The following ATF7IP variants were observed in gnomAD, a reference collection of about 807,000 sequenced individuals.
ATF7IP encodes the protein activating transcription factor 7 interacting protein, also known as activating transcription factor 7-interacting protein 1.
A neutral mutation model predicts 106.4 loss-of-function variants in ATF7IP; 23 were observed. That is an observed-to-expected ratio of 0.22 (90% CI 0.16 to 0.31). The LOEUF (loss-of-function observed/expected upper bound fraction) is 0.31. Ranked by LOEUF, ATF7IP falls within the 10% of genes least tolerant of loss-of-function variation. The pLI is 1.00. For missense variants in ATF7IP, 1,334 were observed against 1,524.3 expected (o/e 0.88, Z 2.08); for synonymous variants, 542 against 539.0 (o/e 1.01, Z -0.08).
intron 13 of ATF7IP, among the ~76,000 whole-genome samples, chr12:14,490,597 T>C (rs1049412020): frequency 6.6e-6 from 1 of 152,172 alleles, no homozygotes. Flanking sequence ...AGCTGTGTAC[T>C]TGCCGGTGGT....
intron 1 of ATF7IP, among the ~76,000 whole-genome samples, chr12:14,415,128 C>T (rs1565491259): frequency 6.6e-6 from 1 of 152,106 alleles, no homozygotes; most frequent in Non-Finnish European, 1.5e-5. Context: ...TGTAACTTCA[C>T]TCCTTATCTG....
rs528649230 is a variant in ATF7IP, at chr12:14,498,689, T to G, written c.*616T>G. 1 of 152,768 alleles carries G rather than the reference T, an allele frequency of 6.5e-6. No individual in the cohort carries two copies. The highest frequency in any genetic ancestry group is 2.1e-4 in the South Asian group (1 of 4,822). 9.5% of individuals were successfully genotyped at this position (152,768 alleles called of 1,614,324 possible). ...CCCCTCCCTTTCCTAATCTGGCTTT[T>G]ACATTTATTTTGTGCCTTAAAGATT... is the stretch of plus-strand genomic sequence containing the variant. On this transcript the variant is annotated 3_prime_UTR_variant, in exon 15 of 15. Coordinates refer to ENST00000261168, the MANE Select transcript of ATF7IP (RefSeq NM_018179.5).
At chr12:14,408,491 G>A (rs1239814933) in intron 1 of ATF7IP, 1 of 152,122 alleles carries the variant, frequency 6.6e-6, no homozygotes, top group East Asian at 1.9e-4. Context: ...TTGTATTTCA[G>A]TTTCTGTTGC....
At chr12:14,386,356 G>T (rs1939239150) in intron 1 of ATF7IP, among the ~76,000 whole-genome samples, 1 of 152,030 alleles carries the variant, frequency 6.6e-6, no homozygotes, top group Non-Finnish European at 1.5e-5. Flanking sequence ...AGCAGAAAAG[G>T]CATACTTTAA....
At chr12:14,394,992 T>G (rs2136445025) in intron 1 of ATF7IP, 1 of 152,278 alleles carries the variant, frequency 6.6e-6, no homozygotes, top group South Asian at 2.1e-4. Flanking sequence ...TGTCTGACGT[T>G]TTTTGGCTTT....
intron 13 of ATF7IP, among the ~76,000 whole-genome samples, chr12:14,484,518 C>G (rs867167059): frequency 1.3e-5 from 2 of 152,326 alleles, no homozygotes; most frequent in African/African-American, 4.8e-5. Flanking sequence ...GAAGTTCTGC[C>G]AACTGGGAAT....
chr12:14,456,306 C>G (rs1283237265), intron 6 of ATF7IP, among the ~76,000 whole-genome samples: 1 of 152,136 alleles, frequency 6.6e-6, no homozygotes, highest in Non-Finnish European at 1.5e-5. Context: ...CATAAGAACA[C>G]TGAGATGCAG....
Position 14,425,198 on chromosome 12 carries a change from A to T in ATF7IP, c.1283A>T (p.Asp428Val). 1 of 1,596,090 alleles carries T rather than the reference A, an allele frequency of 6.3e-7. No homozygotes were observed. The highest frequency in any genetic ancestry group is 1.8e-5 in the Admixed American group (1 of 54,866). Residue 428 changes from aspartate to valine, a missense_variant, in exon 2 of 15, where the codon GAC becomes GTC. This residue lies in a region of ATF7IP where 438 missense variants were observed against 405.3 expected (regional missense o/e 1.08). Coordinates refer to ENST00000261168, the MANE Select transcript of ATF7IP (RefSeq NM_018179.5). ...NKSENILENT[D>V]SMETDEIIPI... ...AGTGAGAATATCTTAGAAAATACAG[A>T]CTCTATGGAGACAGATGAAATCATT... is the stretch of plus-strand genomic sequence containing the variant.
rs184135043 is a variant in ATF7IP, at chr12:14,383,892, T to C, written c.-8+18065T>C. Among the ~76,000 whole-genome samples, 4 of 152,262 alleles carry C rather than the reference T, an allele frequency of 2.6e-5. No homozygotes were observed. The East Asian group carries it at 7.7e-4, about 29-fold the overall frequency. On this transcript the variant is annotated intron_variant, in intron 1 of 14. Coordinates refer to ENST00000261168, the MANE Select transcript of ATF7IP (RefSeq NM_018179.5). ...CTTGCTTTTAATGAATAGTCTTTGC[T>C]TGAGAATCACAGTTGTATTTTTAAA...
chr12:14,458,630 C>T (rs750120146), intron 8 of ATF7IP, among the ~76,000 whole-genome samples: 2 of 152,042 alleles, frequency 1.3e-5, no homozygotes, highest in African/African-American at 2.4e-5. Context: ...CCGGGCCTGC[C>T]GGGGCAACAT....
chr12:14,480,910 A>G (rs1944408218), intron 12 of ATF7IP, 93 bp from the exon 13 acceptor site: 3 of 1,121,712 alleles, frequency 2.7e-6, no homozygotes, highest in African/African-American at 1.6e-5. Flanking sequence ...TTATTAGTTA[A>G]TTAGATTTTA....
chr12:14,400,269 A>T (rs2136460370), intron 1 of ATF7IP, among the ~76,000 whole-genome samples: 1 of 152,248 alleles, frequency 6.6e-6, no homozygotes, highest in African/African-American at 2.4e-5. Context: ...ACATGTTTAG[A>T]TTTTTGTGTG....
intron 1 of ATF7IP, among the ~76,000 whole-genome samples, chr12:14,392,835 G>A (rs1207276878): frequency 6.6e-6 from 1 of 152,166 alleles, no homozygotes; most frequent in African/African-American, 2.4e-5. Context: ...GTAATTTTAT[G>A]TCAGTTGAGT....
intron 2 of ATF7IP, among the ~76,000 whole-genome samples, chr12:14,431,163 G>A (rs1393331049): frequency 6.6e-6 from 1 of 152,112 alleles, no homozygotes; most frequent in East Asian, 1.9e-4. Context: ...TCATCTGATA[G>A]TATTAAACAT....
chr12:14,401,126 G>C (rs1361371132), intron 1 of ATF7IP, among the ~76,000 whole-genome samples: 2 of 151,782 alleles, frequency 1.3e-5, no homozygotes, highest in African/African-American at 4.8e-5. Context: ...TTGCTATTAT[G>C]CTTAACTGCT....
At chr12:14,446,926 T>C in intron 5 of ATF7IP, 62 bp from the exon 6 acceptor site, 1 of 1,252,468 alleles carries the variant, frequency 8.0e-7, no homozygotes, top group Non-Finnish European at 1.1e-6. Context: ...TCATGGTTTT[T>C]TTTTTTAATG....
rs1212147841 is a variant in ATF7IP, at chr12:14,460,868, A to G, written c.2532A>G (p.Pro844=). The G allele has an allele frequency of 6.2e-7, 1 of 1,614,140 alleles. No individual in the cohort carries two copies. The highest frequency in any genetic ancestry group is 8.5e-7 in the Non-Finnish European group (1 of 1,180,022). ...SLPSLPNPTK[P]NNVPSVPSPS... The stretch of plus-strand genomic sequence containing the variant: ...CATCCTTGCCAAATCCCACTAAACC[A>G]AACAACGTTCCTTCTGTGCCCAGTC... Residue 844 remains proline, a synonymous_variant, in exon 9 of 15, where the codon CCA becomes CCG. Coordinates refer to ENST00000261168, the MANE Select transcript of ATF7IP (RefSeq NM_018179.5).
At position 14,424,338 on chromosome 12, in the gene ATF7IP, C is replaced by T. The variant is rs150180233; in HGVS notation, c.423C>T (p.Ala141=). ...SGDPAPGDLD[A]GDPASGVLAS... ...ATCCAGCCCCTGGTGATCTGGATGC[C>T]GGAGATCCAGCCTCCGGAGTACTGG... The change falls in exon 2 of 15, where the codon GCC becomes GCT. Residue 141 remains alanine, a synonymous_variant. Coordinates refer to ENST00000261168, the MANE Select transcript of ATF7IP (RefSeq NM_018179.5). The T allele has an allele frequency of 6.6e-4, 1,059 of 1,614,120 alleles. 12 individuals are homozygous for T. In the South Asian group the frequency reaches 7.3e-3, roughly 11 times the overall value.
intron 1 of ATF7IP, among the ~76,000 whole-genome samples, chr12:14,397,302 A>C (rs1437859924): frequency 6.6e-6 from 1 of 152,206 alleles, no homozygotes; most frequent in Non-Finnish European, 1.5e-5. Flanking sequence ...AGTTCCTAAA[A>C]AGTGTTTGTG....
Sources: allele counts gnomAD v4.1 joint callset (sites outside exome capture counted in the v4.1 genomes callset), GRCh38; gene constraint gnomAD v4.1.1; regional missense constraint gnomAD v4.1.1; transcripts MANE v1.5; gene names NCBI Gene and HGNC (gene_info 2026-07-23, HGNC 2026-07-21).